The following ART4 variants were observed in gnomAD, a reference collection of about 807,000 sequenced individuals.
ART4 encodes ecto-ADP-ribosyltransferase 4.
A neutral mutation model predicts 24.2 loss-of-function variants in ART4; 14 were observed. The ratio of observed to expected loss-of-function variants is 0.58; its 90% CI spans 0.38 to 0.90. The LOEUF (loss-of-function observed/expected upper bound fraction) is 0.90, where lower values mean the gene tolerates loss of function less well. ART4 is among the 40% of genes least tolerant of loss of function. ART4 has a pLI of 0.00. For synonymous variants in ART4, 145 were observed against 139.9 expected, an observed-to-expected ratio of 1.04 and a Z score of -0.26; for missense variants, 356 against 366.6, an observed-to-expected ratio of 0.97 and a Z score of 0.24.
rs1454659132 is a variant in ART4, at chr12:14,825,960, A to T, written c.*3411T>A. The T allele has an allele frequency of 6.6e-6, 1 of 152,212 alleles. No individual in the cohort carries two copies. Among genetic ancestry groups the T allele is most frequent in the Non-Finnish European group, 1.5e-5 (1 of 68,038 alleles). The allele number at this position is 152,212 out of a possible 1,614,324, so 9.4% of individuals were successfully genotyped here. The stretch of plus-strand genomic sequence containing the variant: ...CTGTACACATCAAAAGGAGACATAC[A>T]TGTATTTGTTTAATAAAATTACTAT... On this transcript the variant is annotated 3_prime_UTR_variant, in exon 3 of 3. Coordinates refer to ENST00000228936, the MANE Select transcript of ART4 (RefSeq NM_021071.4).
chr12:14,829,852 A>G (rs1950382290), intron 2 of ART4, among the ~76,000 whole-genome samples: 1 of 152,210 alleles, frequency 6.6e-6, no homozygotes, highest in South Asian at 2.1e-4. Flanking sequence ...AGCCCTTGCT[A>G]TATATTAACT....
chr12:14,834,042 G>A lies in ART4; in HGVS notation c.854-4580C>T, dbSNP rs192357664. Among the ~76,000 whole-genome samples, 332 of 152,222 alleles carry A rather than the reference G, an allele frequency of 2.2e-3. 1 individual carries two copies. Among genetic ancestry groups the A allele is most frequent in the Middle Eastern group, 0.014 (4 of 294 alleles). On this transcript the variant is annotated intron_variant, in intron 2 of 2. Transcript: ENST00000228936. ...GTTTCTCAGTTGTGTTTGAAAGGAGGCAGAGACACCAATGCTATCACAACA... is the reference window on the plus strand; with the variant it reads ...GTTTCTCAGTTGTGTTTGAAAGGAGACAGAGACACCAATGCTATCACAACA...
At chr12:14,835,234 T>G (rs2137300690) in intron 2 of ART4, among the ~76,000 whole-genome samples, 1 of 152,320 alleles carries the variant, frequency 6.6e-6, no homozygotes, top group South Asian at 2.1e-4. Flanking sequence ...GATTACAGTT[T>G]CGTGAGGAGT....
chr12:14,836,167 G>A (rs1396565327), intron 2 of ART4, among the ~76,000 whole-genome samples: 1 of 152,110 alleles, frequency 6.6e-6, no homozygotes, highest in East Asian at 1.9e-4. Flanking sequence ...TCCACAGGTA[G>A]AAGATTCATT....
intron 2 of ART4, among the ~76,000 whole-genome samples, chr12:14,834,540 C>T (rs1950416496): frequency 6.6e-6 from 1 of 152,104 alleles, no homozygotes; most frequent in Admixed American, 6.6e-5. Context: ...AAACAATTGC[C>T]TATATTTCTC....
intron 2 of ART4, among the ~76,000 whole-genome samples, chr12:14,831,706 A>G (rs1950396784): frequency 6.6e-6 from 1 of 151,822 alleles, no homozygotes; most frequent in Non-Finnish European, 1.5e-5. Flanking sequence ...TAACCCACTG[A>G]CCTCAAATTT....
intron 2 of ART4, among the ~76,000 whole-genome samples, chr12:14,835,910 A>T (rs888220101): frequency 6.6e-6 from 1 of 152,108 alleles, no homozygotes; most frequent in African/African-American, 2.4e-5. Flanking sequence ...GCTGGCAATC[A>T]AACATTTTTT....
intron 1 of ART4, 183 bp from the exon 2 acceptor site, chr12:14,841,336 G>C (rs1385329512): frequency 3.8e-6 from 2 of 529,842 alleles, no homozygotes; most frequent in Admixed American, 3.8e-5. Flanking sequence ...GCTAGAGATT[G>C]AATTTGGTTT....
At chr12:14,830,795 T>G (rs1187264564) in intron 2 of ART4, among the ~76,000 whole-genome samples, 2 of 149,054 alleles carry the variant, frequency 1.3e-5, no homozygotes, top group Non-Finnish European at 3.0e-5. Context: ...TTTTCACCAA[T>G]AAGAGTTGGC....
intron 2 of ART4, among the ~76,000 whole-genome samples, chr12:14,829,747 G>A (rs940703666): frequency 6.6e-6 from 1 of 152,132 alleles, no homozygotes; most frequent in African/African-American, 2.4e-5. Flanking sequence ...CATAATCACT[G>A]TTAGCATTAT....
chr12:14,840,664 G>A lies in ART4; in HGVS notation c.634C>T (p.Leu212Phe), dbSNP rs921611999. 1 of 1,614,122 alleles carries A rather than the reference G, an allele frequency of 6.2e-7. No individual in the cohort carries two copies. Among genetic ancestry groups the A allele is most frequent in the Non-Finnish European group, 8.5e-7 (1 of 1,180,020 alleles). ...AACTCCTGTGCCTCTTCTTTCAGGA[G>A]GGATGTGGAGAGGAATTGGCCAAAT... ...IRFGQFLSTS[L>F]LKEEAQEFGN... The change falls in exon 2 of 3, where the codon CTC (leucine) becomes TTC (phenylalanine). Residue 212 changes from leucine (L) to phenylalanine (F), a missense_variant. Leu to Phe is a conservative substitution (Grantham distance 22). Transcript: ENST00000228936.
At position 14,829,420 on chromosome 12, in the gene ART4, G is replaced by C. The variant is rs770677651; in HGVS notation, c.896C>G (p.Ser299Cys). The C allele has an allele frequency of 6.2e-7, 1 of 1,609,472 alleles. No individual in the cohort carries two copies. Among genetic ancestry groups the C allele is most frequent in the Non-Finnish European group, 8.5e-7 (1 of 1,178,356 alleles). ...GATGACACTGGTCAAAAAGGAGAGA[G>C]ATGCAATAGCTATAGGATCAGGGAT... Reference protein sequence around the residue: ...KCIPDPIAIASLSFLTSVIIF... With the variant: ...KCIPDPIAIACLSFLTSVIIF... The change falls in exon 3 of 3, where the codon TCT becomes TGT. Residue 299 changes from serine to cysteine, a missense_variant. Coordinates refer to ENST00000228936, the MANE Select transcript of ART4 (RefSeq NM_021071.4).
chr12:14,829,268 G>T lies in ART4; in HGVS notation c.*103C>A. 1 of 777,208 alleles carries T rather than the reference G, an allele frequency of 1.3e-6. No individual in the cohort carries two copies. The highest frequency in any genetic ancestry group is 2.4e-5 in the South Asian group (1 of 41,826). The allele number at this position is 777,208 out of a possible 1,614,324, so 48.1% of individuals were successfully genotyped here. A position where few individuals can be genotyped will look rare whatever the true frequency, so the allele number is the denominator to read the frequency against. ...ACTGGTTTCAGCAGAAGTATGATGG[G>T]ATCATCCTTCCTGGAAAATAAATGT... is the stretch of plus-strand genomic sequence containing the variant. On this transcript the variant is annotated 3_prime_UTR_variant, in exon 3 of 3. Coordinates refer to ENST00000228936, the MANE Select transcript of ART4 (RefSeq NM_021071.4).
In ART4 at chr12:14,841,131, T is replaced by C; in HGVS notation, c.167A>G (p.Asp56Gly). Residue 56 changes from aspartate to glycine, a missense_variant, in exon 2 of 3, where the codon GAC (aspartate) becomes GGC (glycine). Coordinates refer to ENST00000228936, the MANE Select transcript of ART4 (RefSeq NM_021071.4). ...GSEVAIKIDFDFAPGSFDDQY... is the reference protein window; with the variant it reads ...GSEVAIKIDFGFAPGSFDDQY... ...ATCATCAAAAGAACCTGGTGCGAAG[T>C]CGAAGTCGATTTTAATTGCAACCTG... 6.4e-7 allele frequency: 1 copy of C among 1,572,118 alleles called. No homozygotes were observed.
intron 2 of ART4, among the ~76,000 whole-genome samples, chr12:14,832,633 C>G (rs754478326): frequency 1.3e-5 from 2 of 152,096 alleles, no homozygotes; most frequent in Non-Finnish European, 2.9e-5. Flanking sequence ...AGGATAGTGC[C>G]TAGCAAATAA....
At chr12:14,842,082 G>A (rs1401419914) in intron 1 of ART4, among the ~76,000 whole-genome samples, 2 of 152,206 alleles carry the variant, frequency 1.3e-5, no homozygotes, top group South Asian at 2.1e-4. Flanking sequence ...CCAACAGAAT[G>A]TTGTTTATTC....
chr12:14,837,599 C>G (rs1394263430), intron 2 of ART4, among the ~76,000 whole-genome samples: 2 of 152,048 alleles, frequency 1.3e-5, no homozygotes, highest in East Asian at 3.8e-4. Context: ...CTGAAACCTC[C>G]GCCTCCTGGA....
Position 14,842,078 on chromosome 12 carries a change from G to A in ART4, c.144+892C>T, listed in dbSNP as rs539227899. On this transcript the variant is annotated intron_variant, in intron 1 of 2. Coordinates refer to ENST00000228936, the MANE Select transcript of ART4 (RefSeq NM_021071.4). ...ATTCCTTTCTAATGGGTAGCCAACA[G>A]AATGTTGTTTATTCACGTCTAGTGC... 3.3e-5 allele frequency among the ~76,000 whole-genome samples: 5 copies of A among 152,340 alleles called. No individual in the cohort carries two copies. The East Asian group carries it at 9.6e-4, about 29-fold the overall frequency.
chr12:14,837,552 C>T (rs911074299), intron 2 of ART4, among the ~76,000 whole-genome samples: 10 of 152,100 alleles, frequency 6.6e-5, no homozygotes, highest in Non-Finnish European at 1.0e-4. Flanking sequence ...CTCACTCTAT[C>T]GCCCAGGCTG....
Sources: allele counts gnomAD v4.1 joint callset (sites outside exome capture counted in the v4.1 genomes callset), GRCh38; gene constraint gnomAD v4.1.1; transcripts MANE v1.5; gene names NCBI Gene and HGNC (gene_info 2026-07-23, HGNC 2026-07-21).